The following IGSF3 variants were observed in gnomAD, a reference collection of about 807,000 sequenced individuals.
IGSF3 encodes immunoglobulin superfamily member 3.
Under a neutral mutation model 114.4 loss-of-function variants are expected in IGSF3, and 23 were observed. That is an observed-to-expected ratio of 0.20 (90% CI 0.14 to 0.28). The LOEUF is 0.28. IGSF3 is among the 10% of genes least tolerant of loss of function. The pLI is 1.00. For missense variants in IGSF3, 1,172 were observed against 1,591.5 expected (o/e 0.74, Z 4.48); for synonymous variants, 571 against 645.2 (o/e 0.88, Z 1.74).
rs1485172004 is a variant in IGSF3 at position 116,654,586 on chromosome 1, G to T, written c.43+11698C>A. 6.6e-6 allele frequency among the ~76,000 whole-genome samples: 1 copy of T among 152,176 alleles called. No homozygotes were observed. The highest frequency in any genetic ancestry group is 2.4e-5 in the African/African-American group (1 of 41,442). On this transcript the variant is annotated intron_variant, in intron 2 of 10. Coordinates refer to ENST00000369486, the MANE Select transcript of IGSF3 (RefSeq NM_001007237.3). The surrounding 1 kb of genome is among the most constrained non-coding windows in gnomAD (Gnocchi z 4.4). ...CCTCAGGGAGGCCACACTGCAGGAGGCAAAGTATGAGGTGGGGAAGATGGA... is the reference window on the plus strand; with the variant it reads ...CCTCAGGGAGGCCACACTGCAGGAGTCAAAGTATGAGGTGGGGAAGATGGA...
Position 116,607,351 on chromosome 1 carries a change from C to CAGCTAAGCTTAAAAGGCTTAAA in IGSF3, c.1222+590_1222+591insTTTAAGCCTTTTAAGCTTAGCT, listed in dbSNP as rs1660827117. 1.3e-5 allele frequency among the ~76,000 whole-genome samples: 2 copies of CAGCTAAGCTTAAAAGGCTTAAA among 152,154 alleles called. No homozygotes were observed. The highest frequency in any genetic ancestry group is 2.9e-5 in the Non-Finnish European group (2 of 68,036). On this transcript the variant is annotated intron_variant, in intron 5 of 10. Coordinates refer to ENST00000369486, the MANE Select transcript of IGSF3 (RefSeq NM_001007237.3). The surrounding 1 kb of genome is among the most constrained non-coding windows in gnomAD (Gnocchi z 6.1). ...AGCCCACTGAGGCAGCCTCAGAAAT[C>CAGCTAAGCTTAAAAGGCTTAAA]AGCTAAGCTTAAAAGGCTATGCTCC...
At position 116,579,934 on chromosome 1, in the gene IGSF3, A is replaced by G; in HGVS notation, c.2849-57T>C. 2.8e-6 allele frequency: 4 copies of G among 1,422,704 alleles called. No individual in the cohort carries two copies. Among genetic ancestry groups the G allele is most frequent in the Middle Eastern group, 1.9e-4 (1 of 5,186 alleles). The allele number at this position is 1,422,704 out of a possible 1,614,324, so 88.1% of individuals were successfully genotyped here. A position where few individuals can be genotyped will look rare whatever the true frequency, so the allele number is the denominator to read the frequency against. On this transcript the variant is annotated intron_variant, in intron 9 of 10. Coordinates refer to ENST00000369486, the MANE Select transcript of IGSF3 (RefSeq NM_001007237.3). This position sits in a 1 kb window ranked among gnomAD's most constrained non-coding sequence, Gnocchi z 6.4. The stretch of plus-strand genomic sequence containing the variant: ...GGTTGTTTAAATTTATTTGCTCAAA[A>G]TAAACTAAATGTCCATCATTAAACA...
In IGSF3 at chr1:116,627,193, C is replaced by T. The variant is rs1232071835; in HGVS notation, c.44-10736G>A. Reference sequence around the variant, plus strand: ...ACACTCCCTCTGAGAAGTCCAGAGGCTCAGTGAACCGCAGCTTAGAGTGAG... The same window carrying T: ...ACACTCCCTCTGAGAAGTCCAGAGGTTCAGTGAACCGCAGCTTAGAGTGAG... On this transcript the variant is annotated intron_variant, in intron 2 of 10. Transcript: ENST00000369486. The surrounding 1 kb of genome is among the most constrained non-coding windows in gnomAD (Gnocchi z 4.7). 3.9e-5 allele frequency among the ~76,000 whole-genome samples: 6 copies of T among 152,264 alleles called. No homozygotes were observed. The East Asian group carries it at 7.7e-4, about 20-fold the overall frequency.
intron 2 of IGSF3, among the ~76,000 whole-genome samples, chr1:116,663,016 T>C (rs1019475234): frequency 1.3e-5 from 2 of 152,200 alleles, no homozygotes; most frequent in Non-Finnish European, 2.9e-5. Context: ...TGAACTTCTC[T>C]CCCTCTGGAG....
At chr1:116,666,990 G>A (rs144937418) in intron 1 of IGSF3, 34 bp from the exon 2 acceptor site, 8 of 399,350 alleles carry the variant, frequency 2.0e-5, no homozygotes, top group African/African-American at 1.4e-4. Flanking sequence ...TTTATCAAAG[G>A]CAAAGCTGCA....
chr1:116,643,024 AG>A (rs1360635500), intron 2 of IGSF3, among the ~76,000 whole-genome samples: 13 of 152,206 alleles, frequency 8.5e-5, no homozygotes, highest in Non-Finnish European at 1.3e-4. Flanking sequence ...GGAACAAAAG[AG>A]GCTGCAAAGC....
In IGSF3 at chr1:116,666,435, G is replaced by A. The variant is rs1384295095; in HGVS notation, c.-109C>T. 4 of 1,011,890 alleles carry A rather than the reference G, an allele frequency of 4.0e-6. No homozygotes were observed. The highest frequency in any genetic ancestry group is 6.3e-6 in the Non-Finnish European group (4 of 638,994). The allele number at this position is 1,011,890 out of a possible 1,614,324, so 62.7% of individuals were successfully genotyped here. ...GCTCCAGAGAACAGTTTTGGAAATAGAACTTAACTCGGAAAATGGGAACAG... is the reference window on the plus strand; with the variant it reads ...GCTCCAGAGAACAGTTTTGGAAATAAAACTTAACTCGGAAAATGGGAACAG... On this transcript the variant is annotated 5_prime_UTR_variant, in exon 2 of 11. Transcript: ENST00000369486.
rs1466677030 is a variant in IGSF3 at position 116,610,175 on chromosome 1, T to C, written c.833-1844A>G. On this transcript the variant is annotated intron_variant, in intron 4 of 10. Transcript: ENST00000369486. The surrounding 1 kb of genome is among the most constrained non-coding windows in gnomAD (Gnocchi z 4.3). Reference sequence around the variant, plus strand: ...AGTCCCCGTGTTATCTGCTGGATATTATCTCTCAGGTCAACCCAGTTAGTC... The same window carrying C: ...AGTCCCCGTGTTATCTGCTGGATATCATCTCTCAGGTCAACCCAGTTAGTC... 6.6e-6 allele frequency among the ~76,000 whole-genome samples: 1 copy of C among 152,218 alleles called. No individual in the cohort carries two copies. Among genetic ancestry groups the C allele is most frequent in the East Asian group, 1.9e-4 (1 of 5,194 alleles).
intron 7 of IGSF3, among the ~76,000 whole-genome samples, chr1:116,591,328 T>G (rs1406518612): frequency 6.6e-6 from 1 of 152,134 alleles, no homozygotes; most frequent in Non-Finnish European, 1.5e-5. Context: ...ACCTGAATTA[T>G]CTGGTTCTTG....
At position 116,588,493 on chromosome 1, in the gene IGSF3, T is replaced by G. The variant is rs551772801; in HGVS notation, c.2440+201A>C. ...AGAGTCAAGGATGCTTCCATGAGTC[T>G]GCCGTCAGCATCAGGACCCACTGCA... is the stretch of plus-strand genomic sequence containing the variant. On this transcript the variant is annotated intron_variant, in intron 8 of 10. Transcript: ENST00000369486. The surrounding 1 kb of genome is among the most constrained non-coding windows in gnomAD (Gnocchi z 4.9). Among the ~76,000 whole-genome samples the G allele has an allele frequency of 2.6e-5, 4 of 152,292 alleles. No individual in the cohort carries two copies. In the East Asian group the frequency reaches 7.7e-4, roughly 29 times the overall value.
rs1648759147 is a variant in IGSF3 at position 116,654,402 on chromosome 1, A to T, written c.43+11882T>A. 6.6e-6 allele frequency among the ~76,000 whole-genome samples: 1 copy of T among 152,248 alleles called. No homozygotes were observed. The highest frequency in any genetic ancestry group is 1.5e-5 in the Non-Finnish European group (1 of 68,044). On this transcript the variant is annotated intron_variant, in intron 2 of 10. Transcript: ENST00000369486. This position sits in a 1 kb window ranked among gnomAD's most constrained non-coding sequence, Gnocchi z 4.4. ...TCACCAGTGTCTCTGAGAAAAGTGC[A>T]GATCAATGCCTCCTTAGGGTTAACC...
intron 7 of IGSF3, among the ~76,000 whole-genome samples, chr1:116,590,319 A>T (rs1170730058): frequency 6.6e-6 from 1 of 151,690 alleles, no homozygotes; most frequent in Non-Finnish European, 1.5e-5. Context: ...CCCCATCATC[A>T]TTAACCTCGG....
Position 116,579,151 on chromosome 1 carries a change from G to A in IGSF3, c.3334+241C>T, listed in dbSNP as rs1234092570. ...AAAATTGAATCTGGTAGAACATCGA[G>A]TTTATTATAAAGATTATATGGTATG... On this transcript the variant is annotated intron_variant, in intron 10 of 10. Coordinates refer to ENST00000369486, the MANE Select transcript of IGSF3 (RefSeq NM_001007237.3). The surrounding 1 kb of genome is among the most constrained non-coding windows in gnomAD (Gnocchi z 6.4). 6.6e-6 allele frequency among the ~76,000 whole-genome samples: 1 copy of A among 152,090 alleles called. No homozygotes were observed. The highest frequency in any genetic ancestry group is 1.5e-5 in the Non-Finnish European group (1 of 68,032).
rs536924145 is a variant in IGSF3, at chr1:116,650,176, C to T, written c.43+16108G>A. 2.0e-5 allele frequency among the ~76,000 whole-genome samples: 3 copies of T among 152,318 alleles called. No homozygotes were observed. The highest frequency in any genetic ancestry group is 3.9e-4 in the East Asian group (2 of 5,186). On this transcript the variant is annotated intron_variant, in intron 2 of 10. Coordinates refer to ENST00000369486, the MANE Select transcript of IGSF3 (RefSeq NM_001007237.3). The surrounding 1 kb of genome is among the most constrained non-coding windows in gnomAD (Gnocchi z 5.0). ...GAGGGAGTGTCTAACATAGGTTAGACACTATAAGTAGTAGAAAATTCCAAC... is the reference window on the plus strand; with the variant it reads ...GAGGGAGTGTCTAACATAGGTTAGATACTATAAGTAGTAGAAAATTCCAAC...
chr1:116,657,616 C>T lies in IGSF3; in HGVS notation c.43+8668G>A, dbSNP rs968523809. On this transcript the variant is annotated intron_variant, in intron 2 of 10. Coordinates refer to ENST00000369486, the MANE Select transcript of IGSF3 (RefSeq NM_001007237.3). This position sits in a 1 kb window ranked among gnomAD's most constrained non-coding sequence, Gnocchi z 4.2. Reference sequence around the variant, plus strand: ...CTGGGAAACCAAAGATTTCAAAATACGGAGCTCCTGGGGGAAGGAGAGTTA... The same window carrying T: ...CTGGGAAACCAAAGATTTCAAAATATGGAGCTCCTGGGGGAAGGAGAGTTA... 2.6e-4 allele frequency among the ~76,000 whole-genome samples: 39 copies of T among 152,070 alleles called. No homozygotes were observed. The highest frequency in any genetic ancestry group is 3.4e-4 in the Non-Finnish European group (23 of 68,020).
rs745414010 is a variant in IGSF3, at chr1:116,614,195, T to A, written c.422-20A>T. 7 of 1,595,960 alleles carry A rather than the reference T, an allele frequency of 4.4e-6. No individual in the cohort carries two copies. The African/African-American group carries it at 5.4e-5, about 12-fold the overall frequency. ...GGATCACTGCAACACAGAAATGTCC[T>A]GAGAGTGCAGTCACAAAGCCACAGA... On this transcript the variant is annotated intron_variant, in intron 3 of 10. Transcript: ENST00000369486. This position sits in a 1 kb window ranked among gnomAD's most constrained non-coding sequence, Gnocchi z 4.5.
Position 116,631,309 on chromosome 1 carries a change from C to T in IGSF3, c.44-14852G>A, listed in dbSNP as rs1437187244. Among the ~76,000 whole-genome samples the T allele has an allele frequency of 1.3e-4, 16 of 125,984 alleles. No individual in the cohort carries two copies. In the South Asian group the frequency reaches 2.0e-3, roughly 16 times the overall value. The allele number at this position is 125,984 out of a possible 152,430, so 82.7% of individuals were successfully genotyped here. ...CTCCAGCCTGGGCGACAGAGCCAGA[C>T]GCTGTCTCAAAAAAAAAAAAAAAAA... On this transcript the variant is annotated intron_variant, in intron 2 of 10. Transcript: ENST00000369486.
chr1:116,637,329 T>C (rs1210959673), intron 2 of IGSF3, among the ~76,000 whole-genome samples: 6 of 152,236 alleles, frequency 3.9e-5, no homozygotes, highest in Non-Finnish European at 7.3e-5. Context: ...ATTTATTCAA[T>C]GGACAACAGG....
In IGSF3 at chr1:116,661,247, C is replaced by G. The variant is rs766468592; in HGVS notation, c.43+5037G>C. On this transcript the variant is annotated intron_variant, in intron 2 of 10. Transcript: ENST00000369486. This position sits in a 1 kb window ranked among gnomAD's most constrained non-coding sequence, Gnocchi z 4.0. ...GGCGGAGGTTACGGTGAGCCAAGAT[C>G]GTGCCACTGCACTCCAGCCTGAGCA... Among the ~76,000 whole-genome samples, 1 of 152,106 alleles carries G rather than the reference C, an allele frequency of 6.6e-6. No individual in the cohort carries two copies. The highest frequency in any genetic ancestry group is 1.5e-5 in the Non-Finnish European group (1 of 68,018).
Sources: gnomAD v4.1 joint callset for allele counts (sites outside exome capture counted in the v4.1 genomes callset) on GRCh38, gnomAD v4.1.1 for gene constraint, Gnocchi (gnomAD v3.1) non-coding constraint, MANE v1.5 for transcripts, NCBI Gene and HGNC (gene_info 2026-07-23, HGNC 2026-07-21) for gene names.